PTPRD: variants seen among roughly 807,000 people sequenced by gnomAD.
PTPRD encodes receptor-type tyrosine-protein phosphatase delta.
In PTPRD, 34 loss-of-function variants were observed where a neutral mutation model predicts 214.5. That is an observed-to-expected ratio of 0.16 (90% CI 0.12 to 0.21). PTPRD has a LOEUF of 0.21. PTPRD is among the 10% of genes least tolerant of loss of function. The probability of loss-of-function intolerance (pLI) is 1.00; values close to 1 mark genes in which losing one functional copy is unlikely to be tolerated. For missense variants in PTPRD, 2,545 were observed against 2,398.7 expected (o/e 1.06, Z -1.27); for synonymous variants, 1,128 against 845.7 (o/e 1.33, Z -5.79).
intron 4 of PTPRD, among the ~76,000 whole-genome samples, chr9:10,018,831 G>C (rs945253939): frequency 4.2e-4 from 64 of 152,078 alleles, no homozygotes; most frequent in African/African-American, 1.5e-3. Context: ...TTACAGGCGT[G>C]AGCCACCGCG....
chr9:10,185,668 A>G, intron 3 of PTPRD, among the ~76,000 whole-genome samples: 1 of 152,162 alleles, frequency 6.6e-6, no homozygotes, highest in East Asian at 1.9e-4. Context: ...TTTAAATGTC[A>G]GTTATCTTCT....
intron 11 of PTPRD, among the ~76,000 whole-genome samples, chr9:8,787,434 AT>A: frequency 6.6e-6 from 1 of 152,044 alleles, no homozygotes; most frequent in Non-Finnish European, 1.5e-5. Flanking sequence ...TTATCTTAAA[AT>A]TTTTTACCTT....
Position 10,070,862 on chromosome 9 carries a change from T to A in PTPRD, c.-544-37072A>T, listed in dbSNP as rs903565886. On this transcript the variant is annotated intron_variant, in intron 3 of 45. Coordinates refer to ENST00000381196, the MANE Select transcript of PTPRD (RefSeq NM_002839.4). The stretch of plus-strand genomic sequence containing the variant: ...AAGAGATTATGATTACCTTATTTTG[T>A]AGATTAAAAAAATAGAGTCATGAGT... Among the ~76,000 whole-genome samples, 3 of 152,092 alleles carry A rather than the reference T, an allele frequency of 2.0e-5. No homozygotes were observed. In the East Asian group the frequency reaches 5.8e-4, roughly 30 times the overall value.
chr9:9,381,378 T>A (rs1054428179), intron 9 of PTPRD, among the ~76,000 whole-genome samples: 2 of 151,616 alleles, frequency 1.3e-5, no homozygotes, highest in Non-Finnish European at 2.9e-5. Flanking sequence ...TTTATTTTTT[T>A]TTTGACAGGG....
intron 33 of PTPRD, among the ~76,000 whole-genome samples, chr9:8,459,653 A>G (rs1421383806): frequency 1.3e-5 from 2 of 152,108 alleles, no homozygotes; most frequent in African/African-American, 4.8e-5. Context: ...GGCAGAAATA[A>G]AATTGAAAAA....
At chr9:8,762,085 A>G (rs1427934364) in intron 11 of PTPRD, among the ~76,000 whole-genome samples, 1 of 152,184 alleles carries the variant, frequency 6.6e-6, no homozygotes, top group African/African-American at 2.4e-5. Context: ...TGTCCATACT[A>G]TAGCAGTTTA....
intron 39 of PTPRD, among the ~76,000 whole-genome samples, chr9:8,351,390 A>C (rs2075399182): frequency 1.3e-5 from 2 of 151,240 alleles, no homozygotes. Context: ...ACTTTAGTTG[A>C]AGTATTTTTT....
At chr9:9,220,024 T>G (rs1410657685) in intron 9 of PTPRD, among the ~76,000 whole-genome samples, 4 of 152,132 alleles carry the variant, frequency 2.6e-5, no homozygotes, top group African/African-American at 9.7e-5. Flanking sequence ...AAAATACTCT[T>G]GAAAAGCTTA....
At chr9:10,375,088 G>A (rs1390267602) in intron 2 of PTPRD, among the ~76,000 whole-genome samples, 1 of 151,842 alleles carries the variant, frequency 6.6e-6, no homozygotes, top group Non-Finnish European at 1.5e-5. Flanking sequence ...AAATTGGCTG[G>A]ATCAATAAGC....
At chr9:9,513,609 T>C (rs1476278255) in intron 8 of PTPRD, among the ~76,000 whole-genome samples, 1 of 27,444 alleles carries the variant, frequency 3.6e-5, no homozygotes, top group Non-Finnish European at 6.0e-5. Context: ...AAATAAAAAA[T>C]CTCAGTCTCA....
chr9:9,549,549 T>A (rs2079674186), intron 8 of PTPRD, among the ~76,000 whole-genome samples: 1 of 152,084 alleles, frequency 6.6e-6, no homozygotes, highest in Non-Finnish European at 1.5e-5. Context: ...TGTATTAAAC[T>A]TAAACAGTCG....
intron 7 of PTPRD, among the ~76,000 whole-genome samples, chr9:9,673,839 A>G (rs2096877826): frequency 6.6e-6 from 1 of 151,796 alleles, no homozygotes; most frequent in African/African-American, 2.4e-5. Flanking sequence ...CTGACAGCAT[A>G]CCAAAAGATG....
At chr9:9,414,334 A>G (rs1259077606) in intron 8 of PTPRD, among the ~76,000 whole-genome samples, 1 of 152,224 alleles carries the variant, frequency 6.6e-6, no homozygotes. Context: ...AGTTGATTCA[A>G]TGCTTTTGAA....
chr9:9,404,694 A>G (rs1249501242), intron 8 of PTPRD, among the ~76,000 whole-genome samples: 1 of 152,084 alleles, frequency 6.6e-6, no homozygotes, highest in Admixed American at 6.6e-5. Flanking sequence ...AGTTCAGTGG[A>G]GAGTCTAGGA....
At chr9:8,603,348 T>C (rs143192749) in intron 14 of PTPRD, among the ~76,000 whole-genome samples, 5 of 152,336 alleles carry the variant, frequency 3.3e-5, no homozygotes, top group African/African-American at 9.6e-5. Flanking sequence ...AAATATTATA[T>C]TGTACTTAGA....
intron 8 of PTPRD, among the ~76,000 whole-genome samples, chr9:9,489,941 G>T (rs34162754): frequency 6.6e-6 from 1 of 151,834 alleles, no homozygotes; most frequent in African/African-American, 2.4e-5. Flanking sequence ...AAAGAAACTC[G>T]CATCAAGACA....
chr9:10,037,238 T>G (rs1006892606), intron 3 of PTPRD, among the ~76,000 whole-genome samples: 4 of 152,076 alleles, frequency 2.6e-5, no homozygotes, highest in Admixed American at 2.0e-4. Flanking sequence ...CCCACCCAAA[T>G]CTCATATCAA....
chr9:9,666,786 G>A lies in PTPRD; in HGVS notation c.-287+67747C>T, dbSNP rs975762491. ...AAAACTGAAATCTAAAACCAAAAAT[G>A]TGTTTAATGTCATAATAATCTATCA... On this transcript the variant is annotated intron_variant, in intron 7 of 45. Coordinates refer to ENST00000381196, the MANE Select transcript of PTPRD (RefSeq NM_002839.4). Among the ~76,000 whole-genome samples, 7 of 152,028 alleles carry A rather than the reference G, an allele frequency of 4.6e-5. 1 individual carries two copies. Among genetic ancestry groups the A allele is most frequent in the Middle Eastern group, 3.4e-3 (1 of 294 alleles).
At chr9:9,559,256 A>T (rs1422841279) in intron 8 of PTPRD, among the ~76,000 whole-genome samples, 1 of 151,772 alleles carries the variant, frequency 6.6e-6, no homozygotes, top group Non-Finnish European at 1.5e-5. Flanking sequence ...CACTCTGAGC[A>T]TGAAGGGCAG....
Sources: gnomAD v4.1 joint callset for allele counts (sites outside exome capture counted in the v4.1 genomes callset) on GRCh38, gnomAD v4.1.1 for gene constraint, MANE v1.5 for transcripts, NCBI Gene and HGNC (gene_info 2026-07-23, HGNC 2026-07-21) for gene names.